PCDHA6: variants seen among roughly 807,000 people sequenced by gnomAD.
PCDHA6 encodes the protein protocadherin alpha 6.
PCDHA6 carries 55 observed loss-of-function variants against 60.3 expected under a neutral mutation model. The ratio of observed to expected loss-of-function variants is 0.91; its 90% confidence interval spans 0.73 to 1.14. The LOEUF is 1.14. PCDHA6 is among the 50% of genes most tolerant of loss of function. The pLI is 0.00. For missense variants in PCDHA6, 1,327 were observed against 1,256.5 expected, an observed-to-expected ratio of 1.06 and a Z score of -0.85; for synonymous variants, 652 against 557.9, an observed-to-expected ratio of 1.17 and a Z score of -2.38.
At chr5:141,001,522 C>G (rs1554258201) in intron 3 of PCDHA6, among the ~76,000 whole-genome samples, 1 of 152,214 alleles carries the variant, frequency 6.6e-6, no homozygotes, top group African/African-American at 2.4e-5. Context: ...TTCTCCCTCT[C>G]TCTCTGATCC....
intron 1 of PCDHA6, chr5:140,866,014 C>A (rs187025106): frequency 1.3e-5 from 2 of 152,026 alleles, no homozygotes; most frequent in East Asian, 3.9e-4. Flanking sequence ...TGATTTTTTT[C>A]TTGTAAGAGT....
intron 1 of PCDHA6, chr5:140,868,832 C>T: frequency 2.4e-6 from 1 of 420,492 alleles, no homozygotes; most frequent in Non-Finnish European, 4.1e-6. Context: ...GGAAGAAACC[C>T]AAAACACGTG....
At chr5:140,975,849 A>G (rs1157741908) in intron 1 of PCDHA6, among the ~76,000 whole-genome samples, 1 of 152,208 alleles carries the variant, frequency 6.6e-6, no homozygotes, top group Non-Finnish European at 1.5e-5. Flanking sequence ...CAGTAATACT[A>G]CATCACCCAT....
chr5:140,997,971 G>A (rs2097791982), intron 3 of PCDHA6, among the ~76,000 whole-genome samples: 3 of 152,086 alleles, frequency 2.0e-5, no homozygotes, highest in Admixed American at 2.0e-4. Context: ...CCTGTGGTTG[G>A]ACTGCACTTG....
rs2150449498 is a variant in PCDHA6 at position 140,849,775 on chromosome 5, C to A, written c.2394+19290C>A. 6.3e-7 allele frequency: 1 copy of A among 1,598,434 alleles called. No homozygotes were observed. The highest frequency in any genetic ancestry group is 8.6e-7 in the Non-Finnish European group (1 of 1,167,964). Reference sequence around the variant, plus strand: ...TCCGCCTACGAGCTGGTGGTTACCGCGCGGGACGGGGGCTCGCCTTCACTG... The same window carrying A: ...TCCGCCTACGAGCTGGTGGTTACCGAGCGGGACGGGGGCTCGCCTTCACTG... On this transcript the variant is annotated intron_variant, in intron 1 of 3. Transcript: ENST00000529310.
At chr5:140,856,822 A>G (rs1554149161) in intron 1 of PCDHA6, 4 of 1,593,030 alleles carry the variant, frequency 2.5e-6, no homozygotes, top group Non-Finnish European at 1.7e-6. Flanking sequence ...TGAACCAAAC[A>G]TTAGTAATAC....
At chr5:140,832,425 A>G (rs1162624158) in intron 1 of PCDHA6, among the ~76,000 whole-genome samples, 2 of 152,234 alleles carry the variant, frequency 1.3e-5, no homozygotes, top group Non-Finnish European at 2.9e-5. Context: ...AAAGAAGTAC[A>G]TGATAATTTT....
In PCDHA6 at chr5:140,858,295, G is replaced by A. The variant is rs190932191; in HGVS notation, c.2394+27810G>A. ...GCGCGGTGGGGAGCTGGTCTTACTC[G>A]CAGCAGAGGCGGCAGAGGGTGTGTT... On this transcript the variant is annotated intron_variant, in intron 1 of 3. Coordinates refer to ENST00000529310, the MANE Select transcript of PCDHA6 (RefSeq NM_018909.4). 2.6e-3 allele frequency: 4,219 copies of A among 1,597,346 alleles called. 330 individuals are homozygous for A. The highest frequency in any genetic ancestry group is 0.01 in the Middle Eastern group (61 of 5,988).
chr5:140,887,242 G>A (rs1445154638), intron 1 of PCDHA6, among the ~76,000 whole-genome samples: 2 of 151,722 alleles, frequency 1.3e-5, no homozygotes, highest in African/African-American at 4.8e-5. Flanking sequence ...GACTACCGGC[G>A]CCCGCCACCA....
chr5:140,839,371 A>G (rs1475600989), intron 1 of PCDHA6, among the ~76,000 whole-genome samples: 2 of 67,948 alleles, frequency 2.9e-5, no homozygotes, highest in Admixed American at 1.8e-4. Context: ...AGCTGTATTC[A>G]TCAATTATTA....
At chr5:140,849,085 G>A (rs2040774319) in intron 1 of PCDHA6, 2 of 1,513,328 alleles carry the variant, frequency 1.3e-6, no homozygotes, top group South Asian at 2.3e-5. Context: ...CTTGTATTAC[G>A]GAAACTTTTA....
intron 1 of PCDHA6, among the ~76,000 whole-genome samples, chr5:140,886,605 A>C (rs998772471): frequency 2.6e-5 from 4 of 152,108 alleles, no homozygotes; most frequent in Admixed American, 6.5e-5. Flanking sequence ...AGGTGGGCGG[A>C]TCAGGAGATC....
chr5:140,861,197 T>C (rs1203877900), intron 1 of PCDHA6: 1 of 162,270 alleles, frequency 6.2e-6, no homozygotes, highest in Non-Finnish European at 1.3e-5. Context: ...CATGAAATAT[T>C]GTTTTACTAA....
chr5:140,990,172 TGA>T (rs1341832599), intron 3 of PCDHA6, among the ~76,000 whole-genome samples: 1 of 152,022 alleles, frequency 6.6e-6, no homozygotes, highest in Non-Finnish European at 1.5e-5. Context: ...TATGAAAAGG[TGA>T]CTTTTAAGAA....
In PCDHA6 at chr5:140,929,637, G is replaced by A. The variant is rs373869618; in HGVS notation, c.2395-49312G>A. ...CCAAAATATTTTATAAGCAACAGATGTGTAAGGCACTCTAATATTTAAAGT... is the reference window on the plus strand; with the variant it reads ...CCAAAATATTTTATAAGCAACAGATATGTAAGGCACTCTAATATTTAAAGT... On this transcript the variant is annotated intron_variant, in intron 1 of 3. Coordinates refer to ENST00000529310, the MANE Select transcript of PCDHA6 (RefSeq NM_018909.4). The A allele has an allele frequency of 1.4e-4, 52 of 378,290 alleles. No homozygotes were observed. The South Asian group carries it at 3.2e-3, about 23-fold the overall frequency. The allele number at this position is 378,290 out of a possible 1,614,324, so 23.4% of individuals were successfully genotyped here. A position where few individuals can be genotyped will look rare whatever the true frequency, so the allele number is the denominator to read the frequency against.
At chr5:140,849,477 C>T in intron 1 of PCDHA6, 1 of 1,590,036 alleles carries the variant, frequency 6.3e-7, no homozygotes, top group Middle Eastern at 1.7e-4. Context: ...TAAAGGCTTC[C>T]CACCCCTGGC....
At chr5:140,839,814 T>A (rs2150301148) in intron 1 of PCDHA6, among the ~76,000 whole-genome samples, 9,024 of 152,086 alleles carry the variant, frequency 0.059, 964 homozygotes, top group African/African-American at 0.21. Flanking sequence ...AATTGCCTAC[T>A]ATGAAGGCAT....
intron 1 of PCDHA6, among the ~76,000 whole-genome samples, chr5:140,954,085 C>G (rs1477637836): frequency 1.3e-5 from 2 of 152,142 alleles, no homozygotes; most frequent in African/African-American, 4.8e-5. Context: ...GCTTCCAGCT[C>G]CATCCATGTC....
In PCDHA6 at chr5:140,882,349, T is replaced by G. The variant is rs782020720; in HGVS notation, c.2394+51864T>G. On this transcript the variant is annotated intron_variant, in intron 1 of 3. Transcript: ENST00000529310. ...TGATCCTCGCAGCCTGGGAGACGGG[T>G]AGTGGCCAGCTCCACTACTCCGTCC... 9 of 1,613,872 alleles carry G rather than the reference T, an allele frequency of 5.6e-6. No individual in the cohort carries two copies. The Admixed American group carries it at 1.3e-4, about 24-fold the overall frequency.
Sources: gnomAD v4.1 joint callset for allele counts (sites outside exome capture counted in the v4.1 genomes callset) on GRCh38, gnomAD v4.1.1 for gene constraint, MANE v1.5 for transcripts, NCBI Gene and HGNC (gene_info 2026-07-23, HGNC 2026-07-21) for gene names.